CLSTN2: variants seen among roughly 807,000 people sequenced by gnomAD.
CLSTN2 encodes calsyntenin 2.
A neutral mutation model predicts 101.2 loss-of-function variants in CLSTN2; 48 were observed. The ratio of observed to expected loss-of-function variants is 0.47; its 90% CI spans 0.38 to 0.60. The LOEUF is 0.60. CLSTN2 is among the 20% of genes least tolerant of loss of function. The pLI is 0.00. For synonymous variants in CLSTN2, 481 were observed against 463.6 expected, an observed-to-expected ratio of 1.04 and a Z score of -0.48; for missense variants, 1,160 against 1,238.2, an observed-to-expected ratio of 0.94 and a Z score of 0.95.
chr3:140,368,577 T>C (rs1198244122), intron 2 of CLSTN2, among the ~76,000 whole-genome samples: 1 of 152,136 alleles, frequency 6.6e-6, no homozygotes, highest in African/African-American at 2.4e-5. Flanking sequence ...TCCCCTGTGG[T>C]TTCTCTACAC....
At chr3:140,157,270 GCTC>G (rs1361862822) in intron 1 of CLSTN2, among the ~76,000 whole-genome samples, 1 of 152,010 alleles carries the variant, frequency 6.6e-6, no homozygotes, top group Non-Finnish European at 1.5e-5. Context: ...TTAGGGAGGA[GCTC>G]CTCCTCCTCA....
chr3:140,068,596 G>A (rs932640186), intron 1 of CLSTN2, among the ~76,000 whole-genome samples: 3 of 152,200 alleles, frequency 2.0e-5, no homozygotes, highest in Non-Finnish European at 4.4e-5. Flanking sequence ...TTGATTCCTG[G>A]GCAGGCATCA....
chr3:140,146,711 G>A (rs13092721), intron 1 of CLSTN2, among the ~76,000 whole-genome samples: 4,050 of 152,290 alleles, frequency 0.027, 76 homozygotes, highest in Non-Finnish European at 0.039. Flanking sequence ...CATGTGCCTA[G>A]GATGGCCAAG....
chr3:140,108,062 T>A (rs1403381141), intron 1 of CLSTN2, among the ~76,000 whole-genome samples: 1 of 152,182 alleles, frequency 6.6e-6, no homozygotes, highest in Non-Finnish European at 1.5e-5. Flanking sequence ...GCCTGTTGTG[T>A]TCTAGGAATG....
At chr3:140,353,754 T>A (rs2087636606) in intron 2 of CLSTN2, among the ~76,000 whole-genome samples, 1 of 152,218 alleles carries the variant, frequency 6.6e-6, no homozygotes, top group South Asian at 2.1e-4. Flanking sequence ...TAATAATTAA[T>A]GATAATATCT....
At chr3:140,548,510 G>T (rs924246628) in intron 10 of CLSTN2, among the ~76,000 whole-genome samples, 8 of 152,198 alleles carry the variant, frequency 5.3e-5, no homozygotes, top group African/African-American at 1.7e-4. Context: ...AGCCTCCTTG[G>T]ATGAGGTGAT....
At chr3:140,416,882 G>T (rs372946814) in intron 4 of CLSTN2, among the ~76,000 whole-genome samples, 1 of 152,320 alleles carries the variant, frequency 6.6e-6, no homozygotes, top group East Asian at 1.9e-4. Flanking sequence ...TTGACAGAAG[G>T]CTGCCCTAGT....
intron 2 of CLSTN2, among the ~76,000 whole-genome samples, chr3:140,350,032 A>G (rs2087588613): frequency 6.6e-6 from 1 of 152,248 alleles, no homozygotes; most frequent in Non-Finnish European, 1.5e-5. Flanking sequence ...CAGAAAAAAG[A>G]GTCAGGAGTT....
At chr3:140,117,787 G>A (rs2009271286) in intron 1 of CLSTN2, among the ~76,000 whole-genome samples, 1 of 152,114 alleles carries the variant, frequency 6.6e-6, no homozygotes, top group East Asian at 1.9e-4. Context: ...GGAAAACCAG[G>A]GAGGCAAAGT....
rs1935615472 is a variant in CLSTN2 at position 139,967,203 on chromosome 3, G to A, written c.109+31720G>A. 2.0e-5 allele frequency among the ~76,000 whole-genome samples: 3 copies of A among 152,268 alleles called. No homozygotes were observed. The South Asian group carries it at 6.2e-4, about 32-fold the overall frequency. ...ATGATGGATAAATGGGATAGATTTG[G>A]GGGTCAGGAGAATAAGGACTACTTT... On this transcript the variant is annotated intron_variant, in intron 1 of 16. Transcript: ENST00000458420.
intron 1 of CLSTN2, among the ~76,000 whole-genome samples, chr3:139,957,491 CT>C (rs71627872): frequency 0.098 from 14,194 of 145,314 alleles, 739 homozygotes; most frequent in African/African-American, 0.14. Flanking sequence ...GTAATCTTTA[CT>C]TTTTTTTTTT....
intron 9 of CLSTN2, among the ~76,000 whole-genome samples, chr3:140,540,105 T>A (rs1935443740): frequency 6.6e-6 from 1 of 152,178 alleles, no homozygotes; most frequent in Non-Finnish European, 1.5e-5. Flanking sequence ...TTCAGGCCCT[T>A]AGTTCCTTCA....
intron 5 of CLSTN2, among the ~76,000 whole-genome samples, chr3:140,426,069 G>A (rs1004593128): frequency 6.6e-6 from 1 of 152,162 alleles, no homozygotes; most frequent in Non-Finnish European, 1.5e-5. Flanking sequence ...CTAATGACAG[G>A]CTTGCATCCT....
At chr3:140,336,690 A>G (rs1576521246) in intron 2 of CLSTN2, among the ~76,000 whole-genome samples, 1 of 152,336 alleles carries the variant, frequency 6.6e-6, no homozygotes, top group African/African-American at 2.4e-5. Flanking sequence ...ACTTGCCAAG[A>G]CTTTGTTGAA....
At chr3:140,480,409 T>G (rs1037638765) in intron 8 of CLSTN2, among the ~76,000 whole-genome samples, 2 of 152,196 alleles carry the variant, frequency 1.3e-5, no homozygotes, top group Non-Finnish European at 2.9e-5. Flanking sequence ...TAAACATACA[T>G]GTGCATGTGT....
At chr3:140,005,372 G>A (rs1036892215) in intron 1 of CLSTN2, among the ~76,000 whole-genome samples, 1 of 152,088 alleles carries the variant, frequency 6.6e-6, no homozygotes, top group Admixed American at 6.6e-5. Flanking sequence ...CTTGTTTGTT[G>A]ATGACCTTGG....
chr3:140,108,982 G>A (rs527257878), intron 1 of CLSTN2, among the ~76,000 whole-genome samples: 16 of 152,278 alleles, frequency 1.1e-4, no homozygotes, highest in Middle Eastern at 3.4e-3. Context: ...AGATAGGAAG[G>A]TGTGCCTCAG....
At chr3:139,959,743 C>A (rs542637457) in intron 1 of CLSTN2, among the ~76,000 whole-genome samples, 2 of 152,194 alleles carry the variant, frequency 1.3e-5, no homozygotes, top group African/African-American at 4.8e-5. Context: ...CCAACCCCGC[C>A]CCCCTTTTTT....
chr3:140,095,600 A>G (rs2008856539), intron 1 of CLSTN2, among the ~76,000 whole-genome samples: 2 of 152,238 alleles, frequency 1.3e-5, no homozygotes, highest in Admixed American at 1.3e-4. Context: ...AGGCTTTGGC[A>G]TAACTACTAT....
Sources: gnomAD v4.1 joint callset for allele counts (sites outside exome capture counted in the v4.1 genomes callset) on GRCh38, gnomAD v4.1.1 for gene constraint, MANE v1.5 for transcripts, NCBI Gene and HGNC (gene_info 2026-07-23, HGNC 2026-07-21) for gene names.